The following CPE variants were observed in gnomAD, a reference collection of about 807,000 sequenced individuals.
CPE encodes carboxypeptidase E.
CPE carries 17 observed loss-of-function variants against 53.5 expected under a neutral mutation model. The ratio of observed to expected loss-of-function variants is 0.32; its 90% CI spans 0.22 to 0.48. CPE has a LOEUF of 0.48. Among genes scored for constraint, CPE ranks in the 20% least tolerant of loss-of-function variants. The pLI is 0.99. For missense variants in CPE, 524 were observed against 614.7 expected (o/e 0.85, Z 1.56); for synonymous variants, 226 against 228.8 (o/e 0.99, Z 0.11).
At chr4:165,406,047 C>T (rs73003649) in intron 1 of CPE, 7,983 of 758,546 alleles carry the variant, frequency 0.011, 171 homozygotes, top group African/African-American at 0.067. Flanking sequence ...TCAGCACCTA[C>T]AATAAAGCAG....
chr4:165,471,336 A>G (rs1732202928), intron 3 of CPE, among the ~76,000 whole-genome samples: 1 of 152,228 alleles, frequency 6.6e-6, no homozygotes, highest in African/African-American at 2.4e-5. Context: ...TAAATTGCAG[A>G]CAAAAACTCA....
intron 1 of CPE, among the ~76,000 whole-genome samples, chr4:165,433,898 T>C (rs1731453901): frequency 6.6e-6 from 1 of 152,196 alleles, no homozygotes; most frequent in Non-Finnish European, 1.5e-5. Context: ...CCCTTCCTTC[T>C]TGCTCATTTT....
In CPE at chr4:165,480,557, G is replaced by A. The variant is rs186230771; in HGVS notation, c.673-1685G>A. ...CAGCCTCTGCCAGTACCAGCTGAGT[G>A]GCCTCATGCTGTTCCCTAACTTCTC... On this transcript the variant is annotated intron_variant, in intron 3 of 8. Coordinates refer to ENST00000402744, the MANE Select transcript of CPE (RefSeq NM_001873.4). 4.0e-3 allele frequency among the ~76,000 whole-genome samples: 610 copies of A among 152,276 alleles called. 2 individuals carry two copies. Among genetic ancestry groups the A allele is most frequent in the African/African-American group, 0.014 (585 of 41,550 alleles).
chr4:165,395,570 A>T (rs755473062), intron 1 of CPE, among the ~76,000 whole-genome samples: 2 of 152,214 alleles, frequency 1.3e-5, no homozygotes, highest in Non-Finnish European at 2.9e-5. Flanking sequence ...ATGGATTATG[A>T]TGAAAAATGT....
intron 1 of CPE, among the ~76,000 whole-genome samples, chr4:165,423,399 A>G (rs950591608): frequency 1.3e-5 from 2 of 152,088 alleles, no homozygotes; most frequent in East Asian, 1.9e-4. Flanking sequence ...AAAAAGTTTT[A>G]TGCCTCTTTT....
At chr4:165,488,752 AC>A (rs1336451661) in intron 6 of CPE, among the ~76,000 whole-genome samples, 4 of 152,110 alleles carry the variant, frequency 2.6e-5, no homozygotes, top group Non-Finnish European at 5.9e-5. Context: ...TTAAAGTAAA[AC>A]CAGGAGTTGA....
intron 3 of CPE, among the ~76,000 whole-genome samples, chr4:165,481,759 T>C (rs72705403): frequency 0.047 from 7,146 of 152,302 alleles, 255 homozygotes; most frequent in East Asian, 0.15. Context: ...TTTGAAGTAA[T>C]TGAGGGAAGT....
intron 1 of CPE, among the ~76,000 whole-genome samples, chr4:165,453,072 G>A (rs1166438891): frequency 6.6e-6 from 1 of 151,794 alleles, no homozygotes. Context: ...TGATTCTCCC[G>A]CCTCAGCCTC....
chr4:165,484,563 A>G lies in CPE; in HGVS notation c.932A>G (p.Asp311Gly). The part of the protein sequence containing the change: ...RKNDDDSSFV[D>G]GTTNGGAWYS... ...AATGATGATGACAGCAGCTTTGTAG[A>G]TGGAACCACCAACGGTGGTGCTTGG... The change falls in exon 5 of 9, where the codon GAT becomes GGT. Residue 311 changes from aspartate (D) to glycine (G), a missense_variant. By Grantham distance (94) the Asp-to-Gly change is moderately conservative (BLOSUM62 -1). Transcript: ENST00000402744. 6.2e-7 allele frequency: 1 copy of G among 1,614,094 alleles called. No individual in the cohort carries two copies. The highest frequency in any genetic ancestry group is 8.5e-7 in the Non-Finnish European group (1 of 1,179,962).
chr4:165,385,643 C>G lies in CPE; in HGVS notation c.307+6115C>G, dbSNP rs150086486. Reference sequence around the variant, plus strand: ...TATCAATTTTAAAATGTGGGACATTCTTGCTTTTCTTCAGTTTGACATGAT... The same window carrying G: ...TATCAATTTTAAAATGTGGGACATTGTTGCTTTTCTTCAGTTTGACATGAT... On this transcript the variant is annotated intron_variant, in intron 1 of 8. Transcript: ENST00000402744. 2.6e-5 allele frequency among the ~76,000 whole-genome samples: 4 copies of G among 152,066 alleles called. No homozygotes were observed. The East Asian group carries it at 7.7e-4, about 29-fold the overall frequency.
intron 1 of CPE, chr4:165,404,524 A>C (rs1187927685): frequency 1.2e-6 from 1 of 853,288 alleles, no homozygotes; most frequent in Admixed American, 1.7e-5. Context: ...TTCCACCTCC[A>C]AACTGCTCCC....
chr4:165,452,982 T>G (rs1366568426), intron 1 of CPE, among the ~76,000 whole-genome samples: 1 of 152,174 alleles, frequency 6.6e-6, no homozygotes, highest in Non-Finnish European at 1.5e-5. Context: ...TTTTCTTTCT[T>G]TCTTTTTTTT....
At chr4:165,448,373 G>A (rs1421496144) in intron 1 of CPE, among the ~76,000 whole-genome samples, 1 of 152,170 alleles carries the variant, frequency 6.6e-6, no homozygotes, top group East Asian at 1.9e-4. Context: ...CAAGAACAAT[G>A]TCTTCAGTTA....
chr4:165,448,289 A>C (rs1228416738), intron 1 of CPE, among the ~76,000 whole-genome samples: 1 of 152,200 alleles, frequency 6.6e-6, no homozygotes, highest in Non-Finnish European at 1.5e-5. Flanking sequence ...AATGGTTACC[A>C]CTTATTGACC....
At chr4:165,389,293 T>C (rs1381973634) in intron 1 of CPE, among the ~76,000 whole-genome samples, 2 of 152,224 alleles carry the variant, frequency 1.3e-5, no homozygotes, top group East Asian at 1.9e-4. Flanking sequence ...AGTTTAACTA[T>C]TTATATTTAT....
chr4:165,407,552 CTT>C (rs76162453), intron 1 of CPE, among the ~76,000 whole-genome samples: 10 of 141,162 alleles, frequency 7.1e-5, no homozygotes, highest in African/African-American at 1.0e-4. Context: ...TCAATTTTTT[CTT>C]TTTTTTTTTT....
chr4:165,452,471 A>G (rs2126692953), intron 1 of CPE, among the ~76,000 whole-genome samples: 1 of 152,282 alleles, frequency 6.6e-6, no homozygotes, highest in East Asian at 1.9e-4. Flanking sequence ...GTATAGGCAT[A>G]TGCTGATATT....
chr4:165,441,061 G>A (rs1472174300), intron 1 of CPE, among the ~76,000 whole-genome samples: 3 of 152,178 alleles, frequency 2.0e-5, no homozygotes, highest in Non-Finnish European at 4.4e-5. Context: ...CAGGTGCTGA[G>A]TTAGATCTTG....
chr4:165,415,019 G>T, intron 1 of CPE: 1 of 156,598 alleles, frequency 6.4e-6, no homozygotes. Flanking sequence ...AAATGAATAT[G>T]TTTGAACAGG....
Sources: allele counts gnomAD v4.1 joint callset (sites outside exome capture counted in the v4.1 genomes callset), GRCh38; gene constraint gnomAD v4.1.1; transcripts MANE v1.5; gene names NCBI Gene and HGNC (gene_info 2026-07-23, HGNC 2026-07-21).